SEMA4D: variants seen among roughly 807,000 people sequenced by gnomAD.
SEMA4D encodes the protein semaphorin-4D.
A neutral mutation model predicts 74.8 loss-of-function variants in SEMA4D; 22 were observed. The ratio of observed to expected loss-of-function variants is 0.29; its 90% CI spans 0.21 to 0.42. The LOEUF (loss-of-function observed/expected upper bound fraction) is 0.42. Among genes scored for constraint, SEMA4D ranks in the 10% least tolerant of loss-of-function variants. The probability of loss-of-function intolerance (pLI) is 1.00; values close to 1 mark genes in which losing one functional copy is unlikely to be tolerated. For missense variants in SEMA4D, 937 were observed against 1,118.4 expected, an observed-to-expected ratio of 0.84 and a Z score of 2.31; for synonymous variants, 445 against 463.7, an observed-to-expected ratio of 0.96 and a Z score of 0.52.
At chr9:89,435,114 CG>C (rs1850114834) in intron 2 of SEMA4D, among the ~76,000 whole-genome samples, 1 of 152,028 alleles carries the variant, frequency 6.6e-6, no homozygotes. Context: ...CCGGCCAAGG[CG>C]GGGAGTGCAC....
intron 2 of SEMA4D, among the ~76,000 whole-genome samples, chr9:89,407,877 G>C (rs1207851599): frequency 6.6e-6 from 1 of 152,228 alleles, no homozygotes; most frequent in Non-Finnish European, 1.5e-5. Flanking sequence ...GAAGTTGCCG[G>C]TCTAAATCCC....
intron 1 of SEMA4D, among the ~76,000 whole-genome samples, chr9:89,457,092 G>A (rs1000827498): frequency 3.9e-5 from 6 of 152,166 alleles, no homozygotes; most frequent in Admixed American, 3.3e-4. Flanking sequence ...AAAGCTGTTC[G>A]ATGTCATTAA....
chr9:89,371,749 G>C (rs1245378156), intron 16 of SEMA4D, among the ~76,000 whole-genome samples: 2 of 101,152 alleles, frequency 2.0e-5, no homozygotes, highest in East Asian at 3.5e-4. Context: ...TGTGTGTCGG[G>C]TGTGGTGTGT....
rs1311242327 is a variant in SEMA4D, at chr9:89,454,417, C to A, written c.-244+1471G>T. ...GCTTGGTGTGGCTGACATGGTCAGC[C>A]CCCCCCAGATTTTCACTCCCTCCTC... On this transcript the variant is annotated intron_variant, in intron 2 of 15. Coordinates refer to ENST00000422704, the MANE Select transcript of SEMA4D (RefSeq NM_001371194.2). Among the ~76,000 whole-genome samples the A allele has an allele frequency of 6.6e-5, 10 of 152,158 alleles. No homozygotes were observed. In the East Asian group the frequency reaches 1.7e-3, roughly 26 times the overall value.
At chr9:89,392,560 GGAAAA>G (rs1840092910) in intron 7 of SEMA4D, 24 bp from the exon 8 acceptor site, 1 of 1,521,934 alleles carries the variant, frequency 6.6e-7, no homozygotes. Context: ...GAAGAAAAGA[GGAAAA>G]GGGAACCAAC....
chr9:89,370,397 CGT>C (rs1564494228), intron 16 of SEMA4D, among the ~76,000 whole-genome samples: 1 of 142,648 alleles, frequency 7.0e-6, no homozygotes, highest in East Asian at 2.1e-4. Flanking sequence ...ATATGCGTGG[CGT>C]GTGGTGTGTG....
chr9:89,478,781 A>ACCCCC (rs1862418534), intron 1 of SEMA4D, among the ~76,000 whole-genome samples: 2 of 66,162 alleles, frequency 3.0e-5, no homozygotes. Context: ...ACCCCACCCC[A>ACCCCC]CCCCAAGGCC....
chr9:89,391,374 C>T lies in SEMA4D; in HGVS notation c.664G>A (p.Asp222Asn). 1 of 1,614,262 alleles carries T rather than the reference C, an allele frequency of 6.2e-7. No individual in the cohort carries two copies. Among genetic ancestry groups the T allele is most frequent in the Non-Finnish European group, 8.5e-7 (1 of 1,180,048 alleles). Residue 222 changes from aspartate to asparagine, a missense_variant, in exon 9 of 16, where the codon GAC becomes AAC. Coordinates refer to ENST00000422704, the MANE Select transcript of SEMA4D (RefSeq NM_001371194.2). The stretch of plus-strand genomic sequence containing the variant: ...CTGTCATCCTCGCCGTCGGGGCTGT[C>T]TGGGCTTTTTCGGATCACGTCAGCA... ...VFADVIRKSP[D>N]SPDGEDDRVY...
intron 1 of SEMA4D, among the ~76,000 whole-genome samples, chr9:89,491,545 G>A (rs1011787543): frequency 6.6e-6 from 1 of 151,962 alleles, no homozygotes; most frequent in African/African-American, 2.4e-5. Context: ...ATGCCAGCCT[G>A]GCGACAGAGC....
chr9:89,361,282 T>G (rs1265309112), exon 19 of SEMA4D: 1 of 152,186 alleles, frequency 6.6e-6, no homozygotes, highest in East Asian at 1.9e-4. Flanking sequence ...TGTATGCTGA[T>G]CCCACACAAA....
chr9:89,390,000 G>GA (rs944060179), intron 9 of SEMA4D, among the ~76,000 whole-genome samples: 11 of 151,664 alleles, frequency 7.3e-5, no homozygotes, highest in Admixed American at 3.9e-4. Context: ...CAAGTATGGG[G>GA]AAAAAAAAGG....
chr9:89,414,835 GC>G (rs1267235849), intron 2 of SEMA4D, among the ~76,000 whole-genome samples: 1 of 152,138 alleles, frequency 6.6e-6, no homozygotes, highest in African/African-American at 2.4e-5. Flanking sequence ...TCACCCTCAA[GC>G]CACATCCCTG....
rs181817349 is a variant in SEMA4D, at chr9:89,400,829, C to T, written c.253-1491G>A. Among the ~76,000 whole-genome samples, 75 of 152,232 alleles carry T rather than the reference C, an allele frequency of 4.9e-4. 2 individuals are homozygous for T. The East Asian group carries it at 0.013, about 26-fold the overall frequency. ...AGGTCCCCAAGCCTCTCCCCAACCC[C>T]GAGGGACCACCATGGTGTCATTAAC... On this transcript the variant is annotated intron_variant, in intron 4 of 15. Coordinates refer to ENST00000422704, the MANE Select transcript of SEMA4D (RefSeq NM_001371194.2).
At chr9:89,497,227 G>C (rs1011672164) in intron 1 of SEMA4D, 1 of 152,262 alleles carries the variant, frequency 6.6e-6, no homozygotes, top group Non-Finnish European at 1.5e-5. Flanking sequence ...AGCTCACTAG[G>C]CGGCTGCAAC....
chr9:89,443,158 C>T (rs1185686134), intron 2 of SEMA4D, among the ~76,000 whole-genome samples: 1 of 152,230 alleles, frequency 6.6e-6, no homozygotes. Flanking sequence ...AGGGACTTCT[C>T]CACAGCTTCA....
intron 2 of SEMA4D, among the ~76,000 whole-genome samples, chr9:89,447,057 G>A (rs1017217798): frequency 2.6e-5 from 4 of 151,954 alleles, no homozygotes; most frequent in Non-Finnish European, 5.9e-5. Flanking sequence ...CTCTCCCACC[G>A]CAGCCCAGCA....
In SEMA4D at chr9:89,389,060, C is replaced by G; in HGVS notation, c.775-13G>C. On this transcript the variant is annotated splice_polypyrimidine_tract_variant and intron_variant, in intron 9 of 15. Coordinates refer to ENST00000422704, the MANE Select transcript of SEMA4D (RefSeq NM_001371194.2). ...CGCCCTGGTCCCCCTAAAACCCCAA[C>G]AAGAAGACGTGGTGGGCCGAGAGTG... 6.2e-7 allele frequency: 1 copy of G among 1,613,834 alleles called. No homozygotes were observed.
chr9:89,474,016 AG>A (rs766679807), intron 1 of SEMA4D, among the ~76,000 whole-genome samples: 47 of 152,124 alleles, frequency 3.1e-4, no homozygotes, highest in Non-Finnish European at 4.0e-4. Flanking sequence ...GACAGAGAGA[AG>A]ACGGGTACCA....
In SEMA4D at chr9:89,405,643, C is replaced by G; in HGVS notation, c.-187G>C. ...GTTCTCCAGGTGAGGAGGGGTCGCT[C>G]TCACCACCGCAATGTCAAAGCCCAC... On this transcript the variant is annotated 5_prime_UTR_variant, in exon 3 of 16. Transcript: ENST00000422704. 7.0e-7 allele frequency: 1 copy of G among 1,428,688 alleles called. No individual in the cohort carries two copies. Among genetic ancestry groups the G allele is most frequent in the South Asian group, 1.5e-5 (1 of 66,194 alleles). The allele number at this position is 1,428,688 out of a possible 1,614,324, so 88.5% of individuals were successfully genotyped here.
Sources: allele counts gnomAD v4.1 joint callset (sites outside exome capture counted in the v4.1 genomes callset), GRCh38; gene constraint gnomAD v4.1.1; transcripts MANE v1.5; gene names NCBI Gene and HGNC (gene_info 2026-07-23, HGNC 2026-07-21).